Variants in PCDHA10 observed in about 807,000 individuals in gnomAD.
PCDHA10 encodes protocadherin alpha 10, also known as protocadherin alpha-10.
Under a neutral mutation model 61.2 loss-of-function variants are expected in PCDHA10, and 45 were observed. That is an observed-to-expected ratio of 0.74 (90% CI 0.58 to 0.94). The LOEUF is 0.94. Ranked by LOEUF, PCDHA10 falls within the 40% of genes least tolerant of loss-of-function variation. The pLI is 0.00. For synonymous variants in PCDHA10, 602 were observed against 548.8 expected (o/e 1.10, Z -1.35); for missense variants, 1,278 against 1,236.2 (o/e 1.03, Z -0.51).
rs1554228572 is a variant in PCDHA10 at position 140,966,716 on chromosome 5, G to A, written c.2389-12233G>A. On this transcript the variant is annotated intron_variant, in intron 1 of 3. Transcript: ENST00000307360. Reference sequence around the variant, plus strand: ...GGCCCGGGCGTGGGGCACGGCTGGGGAAGCTGCCGCCTCCGGCCCTGCCCG... The same window carrying A: ...GGCCCGGGCGTGGGGCACGGCTGGGAAAGCTGCCGCCTCCGGCCCTGCCCG... The A allele has an allele frequency of 2.3e-5, 32 of 1,394,682 alleles. No homozygotes were observed. The South Asian group carries it at 5.0e-4, about 22-fold the overall frequency. The allele number at this position is 1,394,682 out of a possible 1,614,324, so 86.4% of individuals were successfully genotyped here. A position where few individuals can be genotyped will look rare whatever the true frequency, so the allele number is the denominator to read the frequency against.
At position 140,942,403 on chromosome 5, in the gene PCDHA10, T is replaced by A. The variant is rs184466711; in HGVS notation, c.2389-36546T>A. Among the ~76,000 whole-genome samples the A allele has an allele frequency of 2.8e-3, 421 of 151,284 alleles. 2 individuals are homozygous for A. The highest frequency in any genetic ancestry group is 0.014 in the Middle Eastern group (4 of 294). The stretch of plus-strand genomic sequence containing the variant: ...TTCCAGCCTGGGCGACAGATGAGAC[T>A]CTGTTTAAAAAAAAAAAAGATATCT... On this transcript the variant is annotated intron_variant, in intron 1 of 3. Transcript: ENST00000307360.
At chr5:140,864,401 G>T (rs570935613) in intron 1 of PCDHA10, 2 of 152,328 alleles carry the variant, frequency 1.3e-5, no homozygotes, top group South Asian at 4.1e-4. Context: ...ATGGTGATGA[G>T]CAGGGTTGAG....
intron 1 of PCDHA10, among the ~76,000 whole-genome samples, chr5:140,976,335 G>T (rs1554237529): frequency 6.6e-6 from 1 of 152,140 alleles, no homozygotes; most frequent in East Asian, 1.9e-4. Flanking sequence ...TGGATTGCCT[G>T]AGGTCAGGTG....
intron 3 of PCDHA10, among the ~76,000 whole-genome samples, chr5:140,983,513 CTG>C (rs1165213074): frequency 6.6e-6 from 1 of 152,196 alleles, no homozygotes; most frequent in Non-Finnish European, 1.5e-5. Context: ...TGCCTAGACA[CTG>C]TGCCAAGTAC....
Position 140,967,255 on chromosome 5 carries a change from T to C in PCDHA10, c.2389-11694T>C, listed in dbSNP as rs202164321. ...TTCAGGTAAGCGAATCGGTGGCGCC[T>C]GGAGCGCGCTTTCACATAGAGAGTG... On this transcript the variant is annotated intron_variant, in intron 1 of 3. Coordinates refer to ENST00000307360, the MANE Select transcript of PCDHA10 (RefSeq NM_018901.4). The C allele has an allele frequency of 1.8e-4, 297 of 1,613,460 alleles. 1 individual carries two copies. The East Asian group carries it at 6.5e-3, about 35-fold the overall frequency.
chr5:140,889,034 T>A (rs1554183750), intron 1 of PCDHA10, among the ~76,000 whole-genome samples: 4 of 152,080 alleles, frequency 2.6e-5, no homozygotes, highest in Non-Finnish European at 5.9e-5. Flanking sequence ...TAACCGTAAT[T>A]TGATTATAAT....
chr5:140,857,560 G>T lies in PCDHA10; in HGVS notation c.1512G>T (p.Ser504=). The T allele has an allele frequency of 6.3e-7, 1 of 1,596,914 alleles. No individual in the cohort carries two copies. Among genetic ancestry groups the T allele is most frequent in the Non-Finnish European group, 8.6e-7 (1 of 1,167,684 alleles). ...VERRLGERSL[S]SYVSVHAESG... ...GGCGGTTGGGCGAGCGCTCGCTGTC[G>T]AGCTACGTGTCGGTGCACGCGGAGA... The change falls in exon 1 of 4, where the codon TCG becomes TCT. Residue 504 remains serine (S), a synonymous_variant. Coordinates refer to ENST00000307360, the MANE Select transcript of PCDHA10 (RefSeq NM_018901.4).
chr5:140,887,247 C>T (rs1302931456), intron 1 of PCDHA10, among the ~76,000 whole-genome samples: 1 of 152,016 alleles, frequency 6.6e-6, no homozygotes, highest in Non-Finnish European at 1.5e-5. Context: ...CCGGCGCCCG[C>T]CACCACGCCC....
intron 1 of PCDHA10, chr5:140,863,299 G>T (rs868935823): frequency 1.4e-6 from 2 of 1,462,780 alleles, no homozygotes; most frequent in Non-Finnish European, 9.3e-7. Flanking sequence ...CCTGATCATC[G>T]CCATCTGCGT....
At chr5:140,867,519 G>T (rs1028879679) in intron 1 of PCDHA10, 3 of 152,018 alleles carry the variant, frequency 2.0e-5, no homozygotes, top group Admixed American at 1.3e-4. Context: ...CAAATTAATA[G>T]TTGAATATAT....
chr5:140,869,577 T>C, intron 1 of PCDHA10: 2 of 1,614,188 alleles, frequency 1.2e-6, no homozygotes, highest in Non-Finnish European at 8.5e-7. Context: ...AGGGAGCTTC[T>C]GATGCTGACA....
At position 140,858,437 on chromosome 5, in the gene PCDHA10, G is replaced by T. The variant is rs1343643925; in HGVS notation, c.2388+1G>T. The T allele has an allele frequency of 4.5e-6, 7 of 1,541,950 alleles. 1 individual carries two copies. In the Admixed American group the frequency reaches 1.4e-4, roughly 30 times the overall value. Reference sequence around the variant, plus strand: ...TATTGGAGGGGACCACTCTAGGAAGGTGGGTTATTACGTTTTCATTTTCCT... The same window carrying T: ...TATTGGAGGGGACCACTCTAGGAAGTTGGGTTATTACGTTTTCATTTTCCT... On this transcript the variant is annotated splice_donor_variant, in intron 1 of 3. Coordinates refer to ENST00000307360, the MANE Select transcript of PCDHA10 (RefSeq NM_018901.4). LOFTEE classifies it high-confidence loss of function.
At chr5:140,906,403 T>A (rs1583592944) in intron 1 of PCDHA10, among the ~76,000 whole-genome samples, 1 of 152,220 alleles carries the variant, frequency 6.6e-6, no homozygotes, top group East Asian at 1.9e-4. Context: ...AATTTTCATA[T>A]GAAGTCAATA....
In PCDHA10 at chr5:140,857,085, C is replaced by T; in HGVS notation, c.1037C>T (p.Ser346Leu). The T allele has an allele frequency of 1.3e-6, 2 of 1,596,752 alleles. No individual in the cohort carries two copies. Among genetic ancestry groups the T allele is most frequent in the Non-Finnish European group, 8.6e-7 (1 of 1,166,452 alleles). Residue 346 changes from serine (S) to leucine (L), a missense_variant, in exon 1 of 4, where the codon TCA (serine) becomes TTA (leucine). Transcript: ENST00000307360. ...LVELLDENDN[S>L]PEVIVTSLSL... ...GAACTACTGGATGAAAATGATAATT[C>T]ACCTGAGGTGATTGTCACTTCTCTG...
chr5:140,869,679 G>A, intron 1 of PCDHA10: 1 of 1,613,452 alleles, frequency 6.2e-7, no homozygotes, highest in Non-Finnish European at 8.5e-7. Flanking sequence ...TTAAAAGACT[G>A]TCACTTATTT....
chr5:140,972,241 GC>G (rs1162351861), intron 1 of PCDHA10, among the ~76,000 whole-genome samples: 1 of 151,838 alleles, frequency 6.6e-6, no homozygotes, highest in Non-Finnish European at 1.5e-5. Flanking sequence ...CTGGGCTCAA[GC>G]AATCCTCACA....
intron 3 of PCDHA10, among the ~76,000 whole-genome samples, chr5:141,009,288 C>G (rs373954362): frequency 6.6e-6 from 1 of 152,068 alleles, no homozygotes; most frequent in African/African-American, 2.4e-5. Flanking sequence ...GATCCCATTT[C>G]TATAAAATTT....
chr5:140,913,384 C>G (rs1018271300), intron 1 of PCDHA10, among the ~76,000 whole-genome samples: 1 of 152,144 alleles, frequency 6.6e-6, no homozygotes, highest in Non-Finnish European at 1.5e-5. Flanking sequence ...AGTGGCTCAT[C>G]ATAGCCACTA....
chr5:140,970,687 CT>C (rs1464659851), intron 1 of PCDHA10, among the ~76,000 whole-genome samples: 1 of 152,078 alleles, frequency 6.6e-6, no homozygotes, highest in Non-Finnish European at 1.5e-5. Flanking sequence ...GTAGAAAGGG[CT>C]TTTAGAGCTA....
Sources: allele counts gnomAD v4.1 joint callset (sites outside exome capture counted in the v4.1 genomes callset), GRCh38; gene constraint gnomAD v4.1.1; transcripts MANE v1.5; gene names NCBI Gene and HGNC (gene_info 2026-07-23, HGNC 2026-07-21).